CTR9: variants seen among roughly 807,000 people sequenced by gnomAD.
The protein encoded by CTR9 is CTR9 component of Paf1/RNA polymerase II complex, also known as RNA polymerase-associated protein CTR9 homolog.
A neutral mutation model predicts 152.1 loss-of-function variants in CTR9; 41 were observed. The observed-to-expected ratio is 0.27, with a 90% confidence interval of 0.21 to 0.35. The LOEUF is 0.35. Ranked by LOEUF, CTR9 falls within the 10% of genes least tolerant of loss-of-function variation. The pLI is 1.00. For missense variants in CTR9, 917 were observed against 1,424.4 expected (o/e 0.64, Z 5.73); for synonymous variants, 476 against 496.2 (o/e 0.96, Z 0.54).
At position 10,760,031 on chromosome 11, in the gene CTR9, G is replaced by C; in HGVS notation, c.593-142G>C. On this transcript the variant is annotated intron_variant, in intron 5 of 24. Coordinates refer to ENST00000361367, the MANE Select transcript of CTR9 (RefSeq NM_014633.5). ...CTCCAAGGAAACCAAGTTTGTGATA[G>C]GTCAAAAGATTCTGTAGTGTAGTTA... 2.4e-6 allele frequency: 2 copies of C among 836,878 alleles called. 1 individual carries two copies. Among genetic ancestry groups the C allele is most frequent in the Non-Finnish European group, 3.7e-6 (2 of 539,214 alleles). The allele number at this position is 836,878 out of a possible 1,614,324, so 51.8% of individuals were successfully genotyped here. A position where few individuals can be genotyped will look rare whatever the true frequency, so the allele number is the denominator to read the frequency against.
chr11:10,769,993 A>G (rs569767814), intron 16 of CTR9, among the ~76,000 whole-genome samples: 1 of 152,234 alleles, frequency 6.6e-6, no homozygotes, highest in African/African-American at 2.4e-5. Context: ...AAACCATTTC[A>G]AGCATCTAGT....
At chr11:10,776,970 T>TGA (rs1554946201) in intron 24 of CTR9, among the ~76,000 whole-genome samples, 16 of 26,098 alleles carry the variant, frequency 6.1e-4, no homozygotes, top group African/African-American at 1.6e-3. Flanking sequence ...GAGACTCTTG[T>TGA]GAAAAAAAAA....
chr11:10,771,064 ACTT>A (rs2135379475), intron 18 of CTR9, among the ~76,000 whole-genome samples: 1 of 152,302 alleles, frequency 6.6e-6, no homozygotes, highest in South Asian at 2.1e-4. Context: ...TTAAGGTTTT[ACTT>A]CTTAAATAAT....
At position 10,764,721 on chromosome 11, in the gene CTR9, T is replaced by C; in HGVS notation, c.1587T>C (p.Asn529=). 6.3e-7 allele frequency: 1 copy of C among 1,594,672 alleles called. No homozygotes were observed. Among genetic ancestry groups the C allele is most frequent in the Non-Finnish European group, 8.6e-7 (1 of 1,164,446 alleles). The change falls in exon 12 of 25, where the codon AAT becomes AAC. Residue 529 remains asparagine, a synonymous_variant. Coordinates refer to ENST00000361367, the MANE Select transcript of CTR9 (RefSeq NM_014633.5). ...LYKNILREHP[N]YVDCYLRLGA... The stretch of plus-strand genomic sequence containing the variant: ...AAAACATCTTACGCGAACATCCTAA[T>C]TATGTTGACTGTAAGGATTTTAAAC...
chr11:10,767,666 AAAAG>A lies in CTR9; in HGVS notation c.1687-128_1687-125del, dbSNP rs200086979. ...AAATTTGGATTGCCATGCAAAAAAA[AAAAG>A]AAAGAAAGAAAAGAAAGAAAACCAC... On this transcript the variant is annotated intron_variant, in intron 13 of 24. Coordinates refer to ENST00000361367, the MANE Select transcript of CTR9 (RefSeq NM_014633.5). The surrounding 1 kb of genome is among the most constrained non-coding windows in gnomAD (Gnocchi z 4.0). 13,303 of 789,162 alleles carry A rather than the reference AAAAG, an allele frequency of 0.017. 90 individuals are homozygous for A. The highest frequency in any genetic ancestry group is 0.024 in the Middle Eastern group (63 of 2,588). 48.9% of individuals were successfully genotyped at this position (789,162 alleles called of 1,614,324 possible).
chr11:10,770,161 G>A, intron 16 of CTR9, 49 bp from the exon 17 acceptor site: 2 of 1,339,714 alleles, frequency 1.5e-6, no homozygotes, highest in Non-Finnish European at 2.1e-6. Flanking sequence ...AAATGAAAAT[G>A]TCATTTATTC....
intron 22 of CTR9, 157 bp downstream of exon 22, chr11:10,774,326 C>G: frequency 1.2e-6 from 1 of 819,852 alleles, no homozygotes. Context: ...AGATAGACCC[C>G]AGTACAAAAT....
At chr11:10,759,681 A>G (rs892860154) in intron 5 of CTR9, among the ~76,000 whole-genome samples, 5 of 152,346 alleles carry the variant, frequency 3.3e-5, no homozygotes, top group East Asian at 1.9e-4. Context: ...TCTTAAATAG[A>G]TAAGAGGGCA....
intron 1 of CTR9, among the ~76,000 whole-genome samples, chr11:10,751,798 G>A (rs1194247379): frequency 6.6e-6 from 1 of 152,164 alleles, no homozygotes; most frequent in South Asian, 2.1e-4. Flanking sequence ...GCAGATTACA[G>A]AGGTGGGCGC....
chr11:10,776,248 G>A (rs1310031335), intron 24 of CTR9, among the ~76,000 whole-genome samples: 1 of 152,214 alleles, frequency 6.6e-6, no homozygotes, highest in East Asian at 1.9e-4. Flanking sequence ...ACCATGCCCA[G>A]CTAATTTTGT....
In CTR9 at chr11:10,762,011, C is replaced by T; in HGVS notation, c.806C>T (p.Pro269Leu). The stretch of plus-strand genomic sequence containing the variant: ...GCCTATACTATTGATCCTAGCAACC[C>T]TATGGTATTGAACCATTTGGCAAAT... ...SRAYTIDPSNPMVLNHLANHF... is the reference protein window; with the variant it reads ...SRAYTIDPSNLMVLNHLANHF... Residue 269 changes from proline to leucine, a missense_variant, in exon 7 of 25, where the codon CCT becomes CTT. Coordinates refer to ENST00000361367, the MANE Select transcript of CTR9 (RefSeq NM_014633.5). The T allele has an allele frequency of 6.2e-7, 1 of 1,609,854 alleles. No individual in the cohort carries two copies.
intron 2 of CTR9, among the ~76,000 whole-genome samples, chr11:10,754,011 A>G (rs560414856): frequency 6.6e-6 from 1 of 152,306 alleles, no homozygotes; most frequent in Admixed American, 6.5e-5. Context: ...CTTTCATGGT[A>G]TGTGACCAAT....
rs764417096 is a variant in CTR9, at chr11:10,779,026, G to T, written c.3443G>T (p.Gly1148Val). Residue 1148 changes from glycine to valine, a missense_variant, in exon 25 of 25, where the codon GGA (glycine) becomes GTA (valine). By Grantham distance (109) the Gly-to-Val change is moderately radical. Transcript: ENST00000361367. The stretch of plus-strand genomic sequence containing the variant: ...AATGAGGGTTCTGGCCAAGGCTCTG[G>T]AAATGAATCGGAACCAGAGGGATCC... ...SDNEGSGQGS[G>V]NESEPEGSNN... 1.9e-6 allele frequency: 3 copies of T among 1,614,178 alleles called. No individual in the cohort carries two copies. Among genetic ancestry groups the T allele is most frequent in the Non-Finnish European group, 2.5e-6 (3 of 1,180,030 alleles).
rs564263976 is a variant in CTR9 at position 10,760,703 on chromosome 11, C to T, written c.741+382C>T. Among the ~76,000 whole-genome samples, 14 of 152,088 alleles carry T rather than the reference C, an allele frequency of 9.2e-5. No homozygotes were observed. In the East Asian group the frequency reaches 1.5e-3, roughly 17 times the overall value. ...ATCAGTTTGGAATGCTTTCATTGCA[C>T]GTAACAAAAAACACATCCCAGTGCC... On this transcript the variant is annotated intron_variant, in intron 6 of 24. Transcript: ENST00000361367.
At chr11:10,765,010 A>G (rs1473490291) in intron 12 of CTR9, among the ~76,000 whole-genome samples, 8 of 152,224 alleles carry the variant, frequency 5.3e-5, no homozygotes, top group East Asian at 1.9e-4. Context: ...ACTCCTTGGC[A>G]TATCTGATAA....
intron 4 of CTR9, among the ~76,000 whole-genome samples, chr11:10,756,268 T>A (rs145096342): frequency 1.6e-3 from 240 of 152,370 alleles, no homozygotes; most frequent in African/African-American, 5.4e-3. Context: ...TAAACTTTTA[T>A]TGAAGTTCAG....
intron 7 of CTR9, among the ~76,000 whole-genome samples, chr11:10,762,496 G>A (rs1276434159): frequency 6.6e-6 from 1 of 152,184 alleles, no homozygotes; most frequent in African/African-American, 2.4e-5. Context: ...GAGTTGAAAA[G>A]GGAAAGACAC....
intron 7 of CTR9, among the ~76,000 whole-genome samples, chr11:10,763,096 GGT>G (rs556643125): frequency 0.01 from 1,527 of 150,950 alleles, 10 homozygotes; most frequent in Non-Finnish European, 0.017. Flanking sequence ...CCATTTTGTG[GGT>G]GGATAAGTTG....
chr11:10,770,198 C>T lies in CTR9; in HGVS notation c.2110-12C>T, dbSNP rs778999378. ...TTGTTGTGTTTTAATTAACTTTTTTCTTTTACTGTAGTATGAAAACTGCCT... is the reference window on the plus strand; with the variant it reads ...TTGTTGTGTTTTAATTAACTTTTTTTTTTTACTGTAGTATGAAAACTGCCT... On this transcript the variant is annotated splice_polypyrimidine_tract_variant and intron_variant, in intron 16 of 24. Transcript: ENST00000361367. 1.3e-6 allele frequency: 2 copies of T among 1,556,242 alleles called. No individual in the cohort carries two copies. Among genetic ancestry groups the T allele is most frequent in the Admixed American group, 2.0e-5 (1 of 49,566 alleles).
Sources: gnomAD v4.1 joint callset for allele counts (sites outside exome capture counted in the v4.1 genomes callset) on GRCh38, gnomAD v4.1.1 for gene constraint, Gnocchi (gnomAD v3.1) non-coding constraint, MANE v1.5 for transcripts, NCBI Gene and HGNC (gene_info 2026-07-23, HGNC 2026-07-21) for gene names.